Variants in CCL25 observed in about 807,000 individuals in gnomAD.
CCL25 encodes C-C motif chemokine 25.
Under a neutral mutation model 19.9 loss-of-function variants are expected in CCL25, and 14 were observed. The ratio of observed to expected loss-of-function variants is 0.70; its 90% CI spans 0.47 to 1.10. CCL25 has a LOEUF of 1.10. CCL25 is among the 50% of genes least tolerant of loss of function. CCL25 has a pLI of 0.00. For synonymous variants in CCL25, 68 were observed against 73.2 expected (o/e 0.93, Z 0.36); for missense variants, 151 against 181.2 (o/e 0.83, Z 0.96).
chr19:8,062,472 G>A lies in CCL25; in HGVS notation c.*247G>A. 1 of 554,340 alleles carries A rather than the reference G, an allele frequency of 1.8e-6. No individual in the cohort carries two copies. The highest frequency in any genetic ancestry group is 3.2e-6 in the Non-Finnish European group (1 of 308,720). 34.3% of individuals were successfully genotyped at this position (554,340 alleles called of 1,614,324 possible). A position where few individuals can be genotyped will look rare whatever the true frequency, so the allele number is the denominator to read the frequency against. ...GACCAGCAGCAATCCTGGGCAGCCA[G>A]TGGCTCTTGTAGAGAAGACTTAGGA... On this transcript the variant is annotated 3_prime_UTR_variant, in exon 6 of 6. Coordinates refer to ENST00000315626, the MANE Select transcript of CCL25 (RefSeq NM_005624.4).
intron 5 of CCL25, among the ~76,000 whole-genome samples, chr19:8,058,658 T>C (rs2081292730): frequency 7.8e-6 from 1 of 127,552 alleles, no homozygotes; most frequent in South Asian, 2.2e-4. Flanking sequence ...AATATATATA[T>C]TTATTATTAT....
chr19:8,057,993 C>G, intron 5 of CCL25, 73 bp downstream of exon 5: 1 of 1,553,714 alleles, frequency 6.4e-7, no homozygotes, highest in Non-Finnish European at 8.7e-7. Context: ...GTGATTGGCT[C>G]ACACTGGGAC....
chr19:8,062,096 A>G (rs2081322042), intron 5 of CCL25, 122 bp from the exon 6 acceptor site: 1 of 881,344 alleles, frequency 1.1e-6, no homozygotes, highest in Non-Finnish European at 1.9e-6. Flanking sequence ...TAGCACTCCT[A>G]TTACTCAGAA....
At chr19:8,062,131 A>T in intron 5 of CCL25, 87 bp from the exon 6 acceptor site, 1 of 1,283,694 alleles carries the variant, frequency 7.8e-7, no homozygotes, top group Non-Finnish European at 1.1e-6. Flanking sequence ...TAGGAGCTGT[A>T]GGGACTGGAG....
intron 5 of CCL25, among the ~76,000 whole-genome samples, chr19:8,058,236 G>A (rs945205528): frequency 2.1e-5 from 3 of 146,022 alleles, no homozygotes; most frequent in Non-Finnish European, 4.5e-5. Context: ...TTCTGACATT[G>A]TGTGTGTGTG....
In CCL25 at chr19:8,062,194, C is replaced by T. The variant is rs755837367; in HGVS notation, c.446-24C>T. On this transcript the variant is annotated intron_variant, in intron 5 of 5. Transcript: ENST00000315626. ...TATTTTACAGCCGTCAATTTTACTTCGGCCTCTCTCATTGCTTCTGCAGGA... is the reference window on the plus strand; with the variant it reads ...TATTTTACAGCCGTCAATTTTACTTTGGCCTCTCTCATTGCTTCTGCAGGA... 3.2e-5 allele frequency: 51 copies of T among 1,612,204 alleles called. No homozygotes were observed. In the East Asian group the frequency reaches 6.9e-4, roughly 22 times the overall value.
chr19:8,059,023 A>AATATATGTAATATATAAAC (rs1219980315), intron 5 of CCL25, among the ~76,000 whole-genome samples: 1 of 126,230 alleles, frequency 7.9e-6, no homozygotes, highest in Non-Finnish European at 1.6e-5. Context: ...ATATAATATA[A>AATATATGTAATATATAAAC]ATATATGTAA....
chr19:8,057,311 T>G (rs1420238830), intron 4 of CCL25, among the ~76,000 whole-genome samples: 1 of 150,198 alleles, frequency 6.7e-6, no homozygotes, highest in African/African-American at 2.5e-5. Context: ...TGAACCACCA[T>G]GCCTGGCTCC....
At chr19:8,056,013 G>A in intron 2 of CCL25, 139 bp from the exon 3 acceptor site, 2 of 621,672 alleles carry the variant, frequency 3.2e-6, no homozygotes, top group Non-Finnish European at 2.8e-6. Flanking sequence ...CTTTCCTAAG[G>A]CTGTTCCTCA....
rs542758299 is a variant in CCL25, at chr19:8,059,875, G to A, written c.445+1955G>A. 7.2e-5 allele frequency among the ~76,000 whole-genome samples: 11 copies of A among 152,010 alleles called. No homozygotes were observed. The East Asian group carries it at 2.0e-3, about 27-fold the overall frequency. On this transcript the variant is annotated intron_variant, in intron 5 of 5. Coordinates refer to ENST00000315626, the MANE Select transcript of CCL25 (RefSeq NM_005624.4). Reference sequence around the variant, plus strand: ...GAGGCGGAGGTGGGTGGATCACGAGGTCAGGAGATCGAGACCATCCAGGCT... The same window carrying A: ...GAGGCGGAGGTGGGTGGATCACGAGATCAGGAGATCGAGACCATCCAGGCT...
At chr19:8,058,515 TATAATATATAA>T (rs1278399473) in intron 5 of CCL25, among the ~76,000 whole-genome samples, 1 of 113,078 alleles carries the variant, frequency 8.8e-6, no homozygotes, top group African/African-American at 3.4e-5. Flanking sequence ...ATATATTATA[TATAATATATAA>T]ATAATATATA....
At chr19:8,061,433 C>T (rs1045843586) in intron 5 of CCL25, among the ~76,000 whole-genome samples, 1 of 152,192 alleles carries the variant, frequency 6.6e-6, no homozygotes, top group African/African-American at 2.4e-5. Flanking sequence ...GCGTGAGCCA[C>T]CATGCCCAGC....
rs2081243781 is a variant in CCL25 at position 8,053,077 on chromosome 19, G to C, written c.28G>C (p.Val10Leu). The C allele has an allele frequency of 1.9e-6, 3 of 1,555,542 alleles. No individual in the cohort carries two copies. Among genetic ancestry groups the C allele is most frequent in the South Asian group, 1.2e-5 (1 of 84,326 alleles). The change falls in exon 2 of 6, where the codon GTG becomes CTG. Residue 10 changes from valine to leucine, a missense_variant. Coordinates refer to ENST00000315626, the MANE Select transcript of CCL25 (RefSeq NM_005624.4). ...GAACCTGTGGCTCCTGGCCTGCCTG[G>C]TGGCCGGCTTCCTGGGAGCCTGGGC... Reference protein sequence around the residue: MNLWLLACLVAGFLGAWAPA... With the variant: MNLWLLACLLAGFLGAWAPA...
chr19:8,053,080 G>T lies in CCL25; in HGVS notation c.31G>T (p.Ala11Ser), dbSNP rs966473790. The T allele has an allele frequency of 3.2e-6, 5 of 1,555,996 alleles. No homozygotes were observed. In the South Asian group the frequency reaches 5.9e-5, roughly 18 times the overall value. Residue 11 changes from alanine to serine, a missense_variant, in exon 2 of 6, where the codon GCC becomes TCC. Ala to Ser is a moderately conservative substitution (Grantham distance 99, BLOSUM62 1). Transcript: ENST00000315626. Reference sequence around the variant, plus strand: ...CCTGTGGCTCCTGGCCTGCCTGGTGGCCGGCTTCCTGGGAGCCTGGGCCCC... The same window carrying T: ...CCTGTGGCTCCTGGCCTGCCTGGTGTCCGGCTTCCTGGGAGCCTGGGCCCC... MNLWLLACLVAGFLGAWAPAV... is the reference protein window; with the variant it reads MNLWLLACLVSGFLGAWAPAV...
At chr19:8,059,472 T>C (rs2081303547) in intron 5 of CCL25, among the ~76,000 whole-genome samples, 1 of 151,832 alleles carries the variant, frequency 6.6e-6, no homozygotes, top group African/African-American at 2.4e-5. Flanking sequence ...GTGCTGGGAT[T>C]GCAGGCATGA....
intron 2 of CCL25, among the ~76,000 whole-genome samples, chr19:8,053,528 A>T (rs1418207632): frequency 1.4e-5 from 2 of 148,054 alleles, no homozygotes; most frequent in African/African-American, 5.0e-5. Context: ...TCCAGCTGAG[A>T]GTTAGTTGCT....
chr19:8,056,387 C>T lies in CCL25; in HGVS notation c.213C>T (p.His71=), dbSNP rs1424877912. Residue 71 remains histidine (H), a synonymous_variant, in exon 4 of 6, where the codon CAC becomes CAT. Transcript: ENST00000315626. ...PAAIFYLPKR[H]RKVCGNPKSR... ...ACAGATTCTACCTCCCCAAGAGACACAGGAAGGTGTGTGGGAACCCCAAAA... is the reference window on the plus strand; with the variant it reads ...ACAGATTCTACCTCCCCAAGAGACATAGGAAGGTGTGTGGGAACCCCAAAA... The T allele has an allele frequency of 6.2e-7, 1 of 1,613,656 alleles. No homozygotes were observed. The highest frequency in any genetic ancestry group is 1.7e-5 in the Admixed American group (1 of 59,906).
intron 5 of CCL25, among the ~76,000 whole-genome samples, chr19:8,059,858 G>C (rs573650948): frequency 7.9e-5 from 12 of 152,142 alleles, no homozygotes; most frequent in Non-Finnish European, 1.5e-4. Flanking sequence ...GGGAGGCGGA[G>C]GTGGGTGGAT....
chr19:8,057,671 G>C (rs1189694587), intron 4 of CCL25, 130 bp from the exon 5 acceptor site: 26 of 1,361,576 alleles, frequency 1.9e-5, no homozygotes, highest in Non-Finnish European at 2.5e-5. Flanking sequence ...CACTGGTACA[G>C]ATGGAAAGCT....
Sources: allele counts gnomAD v4.1 joint callset (sites outside exome capture counted in the v4.1 genomes callset), GRCh38; gene constraint gnomAD v4.1.1; transcripts MANE v1.5; gene names NCBI Gene and HGNC (gene_info 2026-07-23, HGNC 2026-07-21).